Variants in SLC35F1 observed in about 807,000 individuals in gnomAD.
SLC35F1 encodes chromosome 6 open reading frame 169.
Under a neutral mutation model 48.7 loss-of-function variants are expected in SLC35F1, and 14 were observed. The ratio of observed to expected loss-of-function variants is 0.29; its 90% CI spans 0.19 to 0.45. The LOEUF is 0.45. SLC35F1 is among the 20% of genes least tolerant of loss of function. SLC35F1 has a pLI of 1.00. For synonymous variants in SLC35F1, 190 were observed against 202.2 expected, an observed-to-expected ratio of 0.94 and a Z score of 0.51; for missense variants, 404 against 500.0, an observed-to-expected ratio of 0.81 and a Z score of 1.83.
intron 2 of SLC35F1, among the ~76,000 whole-genome samples, chr6:118,221,496 GTA>G (rs1478001694): frequency 2.6e-5 from 4 of 152,144 alleles, no homozygotes. Context: ...CTCCTAAAGA[GTA>G]TAATACTACC....
intron 2 of SLC35F1, among the ~76,000 whole-genome samples, chr6:118,220,244 T>C (rs7768436): frequency 0.93 from 142,089 of 152,194 alleles, 66,388 homozygotes; most frequent in East Asian, 0.98. Context: ...AGTTCCCAAA[T>C]CAAGAGAACA....
chr6:118,192,609 C>T (rs546899463), intron 2 of SLC35F1, among the ~76,000 whole-genome samples: 2 of 152,148 alleles, frequency 1.3e-5, no homozygotes, highest in Admixed American at 6.5e-5. Context: ...TCTACAATAA[C>T]TTAACATAAT....
intron 1 of SLC35F1, among the ~76,000 whole-genome samples, chr6:117,939,795 A>C (rs1210552677): frequency 6.6e-6 from 1 of 152,118 alleles, no homozygotes; most frequent in Admixed American, 6.5e-5. Flanking sequence ...TTCTCCTTTT[A>C]AATTAGCCCA....
chr6:118,215,404 T>C (rs536593892), intron 2 of SLC35F1, among the ~76,000 whole-genome samples: 4 of 152,256 alleles, frequency 2.6e-5, no homozygotes, highest in Non-Finnish European at 5.9e-5. Flanking sequence ...TGCTTTTAAC[T>C]AATATGTATT....
At chr6:118,075,055 G>A (rs566773613) in intron 1 of SLC35F1, among the ~76,000 whole-genome samples, 41 of 152,236 alleles carry the variant, frequency 2.7e-4, no homozygotes, top group African/African-American at 7.0e-4. Context: ...CCTGCTCTAC[G>A]TGTGTTCAGT....
chr6:118,091,559 T>G (rs1318705051), intron 1 of SLC35F1, among the ~76,000 whole-genome samples: 1 of 152,210 alleles, frequency 6.6e-6, no homozygotes, highest in Admixed American at 6.5e-5. Context: ...CCATTAAACA[T>G]CTTTTTCCTG....
chr6:118,163,571 A>G (rs1774272601), intron 2 of SLC35F1, among the ~76,000 whole-genome samples: 1 of 152,308 alleles, frequency 6.6e-6, no homozygotes, highest in South Asian at 2.1e-4. Context: ...TGCCTGTTTT[A>G]TCTGGAGTCC....
chr6:118,229,702 A>G (rs1775263613), intron 2 of SLC35F1, among the ~76,000 whole-genome samples: 1 of 152,224 alleles, frequency 6.6e-6, no homozygotes, highest in South Asian at 2.1e-4. Flanking sequence ...ATGTGGAGTT[A>G]GTAGTAGCAT....
intron 7 of SLC35F1, among the ~76,000 whole-genome samples, chr6:118,300,714 TG>T (rs1562355737): frequency 6.6e-6 from 1 of 152,200 alleles, no homozygotes; most frequent in Non-Finnish European, 1.5e-5. Context: ...TTTTGACTAT[TG>T]TTATATTTAA....
intron 7 of SLC35F1, among the ~76,000 whole-genome samples, chr6:118,310,774 A>G (rs912024945): frequency 6.6e-6 from 1 of 152,156 alleles, no homozygotes; most frequent in Non-Finnish European, 1.5e-5. Flanking sequence ...AAAATAAACT[A>G]TGTGTTATTA....
chr6:117,974,064 C>T (rs1465437277), intron 1 of SLC35F1, among the ~76,000 whole-genome samples: 1 of 152,144 alleles, frequency 6.6e-6, no homozygotes, highest in African/African-American at 2.4e-5. Flanking sequence ...TGGTTTGAAT[C>T]CTGGCTCTGC....
intron 3 of SLC35F1, among the ~76,000 whole-genome samples, chr6:118,258,176 T>C (rs1283336973): frequency 1.3e-5 from 2 of 152,108 alleles, no homozygotes; most frequent in African/African-American, 4.8e-5. Flanking sequence ...TGAATTTTGT[T>C]ATTACTTTGG....
At chr6:118,290,135 T>C (rs1308169851) in intron 7 of SLC35F1, among the ~76,000 whole-genome samples, 3 of 152,196 alleles carry the variant, frequency 2.0e-5, no homozygotes, top group Non-Finnish European at 4.4e-5. Flanking sequence ...ATTCAGGTGT[T>C]ATCTCTTTTT....
chr6:118,192,147 C>T (rs1169294119), intron 2 of SLC35F1, among the ~76,000 whole-genome samples: 1 of 152,058 alleles, frequency 6.6e-6, no homozygotes, highest in Non-Finnish European at 1.5e-5. Context: ...TGATGAGTTA[C>T]CATAGGTAAT....
chr6:118,235,407 G>C, intron 2 of SLC35F1, 102 bp from the exon 3 acceptor site: 1 of 1,118,004 alleles, frequency 8.9e-7, no homozygotes. Context: ...GTAAACTTTA[G>C]GTTAAAAATA....
intron 1 of SLC35F1, among the ~76,000 whole-genome samples, chr6:118,131,380 C>T (rs546623698): frequency 2.4e-4 from 37 of 152,200 alleles, no homozygotes; most frequent in Middle Eastern, 3.4e-3. Flanking sequence ...CTTTTGGCAA[C>T]GATAGGAAGT....
chr6:118,200,949 G>A (rs1468358062), intron 2 of SLC35F1, among the ~76,000 whole-genome samples: 3 of 152,064 alleles, frequency 2.0e-5, no homozygotes, highest in African/African-American at 4.8e-5. Context: ...GCAATGACGT[G>A]ACGATTGCTC....
intron 1 of SLC35F1, chr6:117,999,437 G>T (rs1489487772): frequency 1.3e-6 from 2 of 1,585,726 alleles, no homozygotes; most frequent in Admixed American, 1.7e-5. Flanking sequence ...CCCTACAAAG[G>T]CTTCAGAGTA....
intron 1 of SLC35F1, among the ~76,000 whole-genome samples, chr6:117,977,669 CTG>C (rs1226733392): frequency 6.6e-6 from 1 of 151,986 alleles, no homozygotes; most frequent in Non-Finnish European, 1.5e-5. Flanking sequence ...TCTGCTATAT[CTG>C]GGGTATTTCT....
Sources: allele counts gnomAD v4.1 joint callset (sites outside exome capture counted in the v4.1 genomes callset), GRCh38; gene constraint gnomAD v4.1.1; transcripts MANE v1.5; gene names NCBI Gene and HGNC (gene_info 2026-07-23, HGNC 2026-07-21).